The following TOPAZ1 variants were observed in gnomAD, a reference collection of about 807,000 sequenced individuals.
TOPAZ1 encodes testis and ovary specific TOPAZ 1.
TOPAZ1 carries 66 observed loss-of-function variants against 172.2 expected under a neutral mutation model. The ratio of observed to expected loss-of-function variants is 0.38; its 90% CI spans 0.31 to 0.47. The LOEUF (loss-of-function observed/expected upper bound fraction) is 0.47. TOPAZ1 is among the 20% of genes least tolerant of loss of function. The pLI is 0.99. For missense variants in TOPAZ1, 1,822 were observed against 1,972.4 expected, an observed-to-expected ratio of 0.92 and a Z score of 1.44; for synonymous variants, 681 against 683.9, an observed-to-expected ratio of 1.00 and a Z score of 0.07.
At chr3:44,292,765 A>G (rs1700152060) in intron 12 of TOPAZ1, among the ~76,000 whole-genome samples, 1 of 152,186 alleles carries the variant, frequency 6.6e-6, no homozygotes, top group African/African-American at 2.4e-5. Context: ...TCATCACCTC[A>G]AACATTTATC....
chr3:44,278,765 T>G (rs1362390287), intron 8 of TOPAZ1, among the ~76,000 whole-genome samples: 2 of 151,982 alleles, frequency 1.3e-5, no homozygotes, highest in Non-Finnish European at 2.9e-5. Flanking sequence ...TTATCAATTT[T>G]GTTTATCATT....
downstream of TOPAZ1, among the ~76,000 whole-genome samples, chr3:44,333,756 G>C (rs757238779): frequency 1.3e-5 from 2 of 152,090 alleles, no homozygotes; most frequent in African/African-American, 2.4e-5. Flanking sequence ...TCAAAGCCCC[G>C]ACAACAAAAA....
At chr3:44,276,985 A>G (rs1484956444) in intron 8 of TOPAZ1, among the ~76,000 whole-genome samples, 1 of 151,486 alleles carries the variant, frequency 6.6e-6, no homozygotes, top group Non-Finnish European at 1.5e-5. Flanking sequence ...TAGAGACGGG[A>G]TTTCACCATG....
At chr3:44,272,841 GAGCCACTGCACGC>G (rs756738129) in intron 8 of TOPAZ1, among the ~76,000 whole-genome samples, 3 of 152,212 alleles carry the variant, frequency 2.0e-5, no homozygotes, top group Non-Finnish European at 4.4e-5. Context: ...TGACAGGCAT[GAGCCACTGCACGC>G]AGCCTCCGTT....
chr3:44,290,660 G>C, intron 11 of TOPAZ1, 111 bp from the exon 12 acceptor site: 2 of 633,316 alleles, frequency 3.2e-6, no homozygotes, highest in South Asian at 1.9e-5. Flanking sequence ...TATTCCACTT[G>C]TCTCCATGTT....
chr3:44,334,785 T>C (rs2125709452), downstream of TOPAZ1, among the ~76,000 whole-genome samples: 1 of 152,316 alleles, frequency 6.6e-6, no homozygotes, highest in Middle Eastern at 3.4e-3. Flanking sequence ...TCCAGACACA[T>C]TAATGTAGGT....
At chr3:44,277,066 C>CA (rs1699969066) in intron 8 of TOPAZ1, among the ~76,000 whole-genome samples, 1 of 152,124 alleles carries the variant, frequency 6.6e-6, no homozygotes, top group South Asian at 2.1e-4. Flanking sequence ...GCTGGGATTA[C>CA]AGGCATGAGC....
In TOPAZ1 at chr3:44,322,570, T is replaced by C. The variant is rs114213274; in HGVS notation, c.4472-522T>C. On this transcript the variant is annotated intron_variant, in intron 17 of 19. Coordinates refer to ENST00000309765, the MANE Select transcript of TOPAZ1 (RefSeq NM_001145030.2). ...GCTTTTTCGTTTCTGACTTAGAGAATATGTAAGATAGGTTGGGCGCGGTGG... is the reference window on the plus strand; with the variant it reads ...GCTTTTTCGTTTCTGACTTAGAGAACATGTAAGATAGGTTGGGCGCGGTGG... Among the ~76,000 whole-genome samples, 490 of 152,292 alleles carry C rather than the reference T, an allele frequency of 3.2e-3. 3 individuals carry two copies. The highest frequency in any genetic ancestry group is 0.011 in the African/African-American group (469 of 41,568).
At chr3:44,324,754 C>G (rs925742707) in intron 18 of TOPAZ1, among the ~76,000 whole-genome samples, 1 of 152,120 alleles carries the variant, frequency 6.6e-6, no homozygotes, top group African/African-American at 2.4e-5. Flanking sequence ...CCATAATCAA[C>G]TTTAGAATAT....
At chr3:44,272,530 A>G (rs1699909627) in intron 8 of TOPAZ1, among the ~76,000 whole-genome samples, 1 of 151,934 alleles carries the variant, frequency 6.6e-6, no homozygotes, top group African/African-American at 2.4e-5. Flanking sequence ...TTTGCCATTT[A>G]TATGTCTTCT....
chr3:44,261,744 G>A (rs1186043776), intron 4 of TOPAZ1, among the ~76,000 whole-genome samples: 3 of 152,094 alleles, frequency 2.0e-5, no homozygotes, highest in African/African-American at 4.8e-5. Context: ...ATTACTCTGG[G>A]CAGTATGGCC....
chr3:44,329,668 C>T lies in TOPAZ1; in HGVS notation c.4859+1235C>T, dbSNP rs575141239. ...AGAGGACTTCATTATTTGTGGTACA[C>T]CAAACAGCATGATTATCTACGTATT... On this transcript the variant is annotated intron_variant, in intron 19 of 19. Coordinates refer to ENST00000309765, the MANE Select transcript of TOPAZ1 (RefSeq NM_001145030.2). 2.0e-5 allele frequency among the ~76,000 whole-genome samples: 3 copies of T among 152,288 alleles called. No individual in the cohort carries two copies. The East Asian group carries it at 5.8e-4, about 29-fold the overall frequency.
intron 2 of TOPAZ1, among the ~76,000 whole-genome samples, chr3:44,250,556 T>C (rs932926554): frequency 6.6e-6 from 1 of 152,196 alleles, no homozygotes; most frequent in Non-Finnish European, 1.5e-5. Flanking sequence ...AATGATTAAC[T>C]TTCTAAAGGA....
intron 12 of TOPAZ1, among the ~76,000 whole-genome samples, chr3:44,300,561 G>A (rs987015375): frequency 2.0e-5 from 3 of 152,174 alleles, no homozygotes; most frequent in Admixed American, 6.5e-5. Flanking sequence ...AAAACTATAT[G>A]AGATATCACC....
chr3:44,281,956 T>C lies in TOPAZ1; in HGVS notation c.3373-12T>C, dbSNP rs1270585171. 3 of 1,528,396 alleles carry C rather than the reference T, an allele frequency of 2.0e-6. No homozygotes were observed. Among genetic ancestry groups the C allele is most frequent in the African/African-American group, 2.8e-5 (2 of 72,282 alleles). The allele number at this position is 1,528,396 out of a possible 1,614,324, so 94.7% of individuals were successfully genotyped here. A position where few individuals can be genotyped will look rare whatever the true frequency, so the allele number is the denominator to read the frequency against. On this transcript the variant is annotated splice_polypyrimidine_tract_variant and intron_variant, in intron 8 of 19. Coordinates refer to ENST00000309765, the MANE Select transcript of TOPAZ1 (RefSeq NM_001145030.2). ...AAAAAAGGTAGTTTTACATTTTTCG[T>C]GACTTTTGCAGGTTTGCATGGATGT... is the stretch of plus-strand genomic sequence containing the variant.
intron 5 of TOPAZ1, 59 bp from the exon 6 acceptor site, chr3:44,266,938 A>G: frequency 7.9e-7 from 1 of 1,267,576 alleles, no homozygotes; most frequent in Non-Finnish European, 1.1e-6. Flanking sequence ...TCTGCAAAGC[A>G]TTACTTTAAT....
At chr3:44,255,770 A>G (rs1285086578) in intron 3 of TOPAZ1, among the ~76,000 whole-genome samples, 1 of 149,896 alleles carries the variant, frequency 6.7e-6, no homozygotes, top group Non-Finnish European at 1.5e-5. Context: ...CTGAATCTTT[A>G]TTTCATAGGG....
At chr3:44,251,333 C>T (rs1287659445) in intron 2 of TOPAZ1, among the ~76,000 whole-genome samples, 1 of 152,116 alleles carries the variant, frequency 6.6e-6, no homozygotes, top group Non-Finnish European at 1.5e-5. Flanking sequence ...TGTTGCCCAA[C>T]CTGGTCTTGA....
In TOPAZ1 at chr3:44,244,849, A is replaced by G. The variant is rs767936264; in HGVS notation, c.2343A>G (p.Lys781=). ...PSFTKQGNNS[K]PSNHVSEPGN... is the part of the protein sequence containing the mutation. The stretch of plus-strand genomic sequence containing the variant: ...TTACAAAGCAAGGTAACAATAGCAA[A>G]CCATCTAATCACGTCTCTGAACCAG... Residue 781 remains lysine (K), a synonymous_variant, in exon 2 of 20, where the codon AAA becomes AAG. Transcript: ENST00000309765. 2.8e-5 allele frequency: 44 copies of G among 1,551,576 alleles called. No homozygotes were observed. Among genetic ancestry groups the G allele is most frequent in the Non-Finnish European group, 3.7e-5 (43 of 1,146,984 alleles).
Sources: allele counts gnomAD v4.1 joint callset (sites outside exome capture counted in the v4.1 genomes callset), GRCh38; gene constraint gnomAD v4.1.1; transcripts MANE v1.5; gene names NCBI Gene and HGNC (gene_info 2026-07-23, HGNC 2026-07-21).